Variants in TARBP1 observed in about 807,000 individuals in gnomAD.
TARBP1 encodes the protein tRNA (guanosine(18)-2'-O)-methyltransferase TARBP1.
A neutral mutation model predicts 178.6 loss-of-function variants in TARBP1; 144 were observed. That is an observed-to-expected ratio of 0.81 (90% CI 0.70 to 0.93). TARBP1 has a LOEUF of 0.93. Among genes scored for constraint, TARBP1 ranks in the 40% least tolerant of loss-of-function variants. TARBP1 has a pLI of 0.00. For synonymous variants in TARBP1, 787 were observed against 781.0 expected (o/e 1.01, Z -0.13); for missense variants, 2,067 against 2,011.7 (o/e 1.03, Z -0.53).
In TARBP1 at chr1:234,429,622, T is replaced by C. The variant is rs142271660; in HGVS notation, c.2665A>G (p.Ile889Val). ...GAGAGGCACACCCATTGATCATGAATATATTGTGCAACTATTTTTCCCCAT... is the reference window on the plus strand; with the variant it reads ...GAGAGGCACACCCATTGATCATGAACATATTGTGCAACTATTTTTCCCCAT... ...QGWGKIVAQY[I>V]HDQWVCLSFL... The change falls in exon 16 of 30, where the codon ATT becomes GTT. Residue 889 changes from isoleucine (I) to valine (V), a missense_variant. Ile to Val is a conservative substitution (Grantham distance 29, BLOSUM62 3). Coordinates refer to ENST00000040877, the MANE Select transcript of TARBP1 (RefSeq NM_005646.4). 81 of 1,612,504 alleles carry C rather than the reference T, an allele frequency of 5.0e-5. No homozygotes were observed. Among genetic ancestry groups the C allele is most frequent in the Middle Eastern group, 1.6e-4 (1 of 6,078 alleles).
At chr1:234,465,788 C>CTGTA in intron 4 of TARBP1, 80 bp from the exon 5 acceptor site, 1 of 1,306,234 alleles carries the variant, frequency 7.7e-7, no homozygotes. Context: ...CCTGATTGAA[C>CTGTA]ATCCTACACA....
Position 234,459,312 on chromosome 1 carries a change from C to T in TARBP1, c.1550G>A (p.Cys517Tyr). ...GLLALRDVIHCTMITHQILLR... is the reference protein window; with the variant it reads ...GLLALRDVIHYTMITHQILLR... ...GAGAATCTGATGTGTGATCATAGTG[C>T]AATGAATAACATCCCTGACATCGAA... is the stretch of plus-strand genomic sequence containing the variant. Residue 517 changes from cysteine to tyrosine, a missense_variant, in exon 8 of 30, where the codon TGC becomes TAC. Physicochemically the swap from Cys to Tyr is radical, Grantham distance 194 (BLOSUM62 -2). Transcript: ENST00000040877. 1 of 1,610,042 alleles carries T rather than the reference C, an allele frequency of 6.2e-7. No individual in the cohort carries two copies. Among genetic ancestry groups the T allele is most frequent in the Non-Finnish European group, 8.5e-7 (1 of 1,178,474 alleles).
intron 20 of TARBP1, among the ~76,000 whole-genome samples, chr1:234,421,604 T>C (rs1663103260): frequency 6.6e-6 from 1 of 152,234 alleles, no homozygotes; most frequent in South Asian, 2.1e-4. Flanking sequence ...ACATGGACAG[T>C]GCAAGGCATC....
intron 21 of TARBP1, among the ~76,000 whole-genome samples, chr1:234,419,987 A>T (rs1311481679): frequency 1.3e-5 from 2 of 152,200 alleles, no homozygotes; most frequent in Non-Finnish European, 2.9e-5. Flanking sequence ...GGTAGGGAGG[A>T]CAGTAGGAAA....
rs924763372 is a variant in TARBP1 at position 234,426,405 on chromosome 1, A to G, written c.3324-612T>C. Among the ~76,000 whole-genome samples, 8 of 152,248 alleles carry G rather than the reference A, an allele frequency of 5.3e-5. No individual in the cohort carries two copies. The South Asian group carries it at 8.3e-4, about 16-fold the overall frequency. Reference sequence around the variant, plus strand: ...ACAAAGTAACTGCCTAGTAGAAATCAAAATCAAATTATTTGGCAACCACCA... The same window carrying G: ...ACAAAGTAACTGCCTAGTAGAAATCGAAATCAAATTATTTGGCAACCACCA... On this transcript the variant is annotated intron_variant, in intron 19 of 29. Transcript: ENST00000040877.
In TARBP1 at chr1:234,431,104, A is replaced by G. The variant is rs541604619; in HGVS notation, c.2395-803T>C. On this transcript the variant is annotated intron_variant, in intron 14 of 29. Transcript: ENST00000040877. ...GGCAAGAAGTCAGACACAGAAAACA[A>G]CAGCACTGAGAGATTACAGCAGTTC... Among the ~76,000 whole-genome samples the G allele has an allele frequency of 7.9e-5, 12 of 152,324 alleles. No homozygotes were observed. In the South Asian group the frequency reaches 2.3e-3, roughly 29 times the overall value.
At chr1:234,470,536 T>C (rs986792228) in intron 3 of TARBP1, among the ~76,000 whole-genome samples, 2 of 148,862 alleles carry the variant, frequency 1.3e-5, no homozygotes, top group African/African-American at 5.0e-5. Context: ...CTATAAATGT[T>C]TGAAATTCTC....
At position 234,410,534 on chromosome 1, in the gene TARBP1, G is replaced by A. The variant is rs1299658631; in HGVS notation, c.3706-3C>T. On this transcript the variant is annotated splice_region_variant and splice_polypyrimidine_tract_variant and intron_variant, in intron 22 of 29. Coordinates refer to ENST00000040877, the MANE Select transcript of TARBP1 (RefSeq NM_005646.4). ...CTTGTTTTAAGATTTTCTTCACCCT[G>A]AAAAAATAATCAGATAAACAAATAT... is the stretch of plus-strand genomic sequence containing the variant. 1.3e-6 allele frequency: 2 copies of A among 1,489,146 alleles called. No homozygotes were observed. The highest frequency in any genetic ancestry group is 1.9e-6 in the Non-Finnish European group (2 of 1,077,370). 92.2% of individuals were successfully genotyped at this position (1,489,146 alleles called of 1,614,324 possible).
chr1:234,425,888 C>T, intron 19 of TARBP1, 95 bp from the exon 20 acceptor site: 1 of 1,022,412 alleles, frequency 9.8e-7, no homozygotes, highest in South Asian at 1.8e-5. Flanking sequence ...CGATCAAAAC[C>T]TCTCAAAGTT....
Position 234,393,385 on chromosome 1 carries a change from C to A in TARBP1, c.4537G>T (p.Glu1513Ter). ...KQFQHLSVSA[E>*]QWLPLVEVKP... The stretch of plus-strand genomic sequence containing the variant: ...ACCTCCACTAGAGGAAGCCACTGTT[C>A]TGCAGAGACACTGAGGTGCTGAAAC... The change falls in exon 28 of 30, where the codon GAA becomes TAA. Residue 1513 changes from glutamate (E) to a stop codon, truncating the protein, a stop_gained. Transcript: ENST00000040877. LOFTEE classifies it high-confidence loss of function. 1 of 1,595,340 alleles carries A rather than the reference C, an allele frequency of 6.3e-7. No individual in the cohort carries two copies. Among genetic ancestry groups the A allele is most frequent in the Non-Finnish European group, 8.5e-7 (1 of 1,170,180 alleles).
At chr1:234,460,204 A>C (rs1270935093) in intron 7 of TARBP1, 57 bp downstream of exon 7, 6 of 1,532,436 alleles carry the variant, frequency 3.9e-6, no homozygotes, top group Non-Finnish European at 4.4e-6. Flanking sequence ...GAAAATATAT[A>C]TATTGATGGA....
chr1:234,394,818 C>T (rs1362644112), intron 26 of TARBP1, among the ~76,000 whole-genome samples: 2 of 152,184 alleles, frequency 1.3e-5, no homozygotes, highest in Non-Finnish European at 2.9e-5. Flanking sequence ...GTTGGCCAGG[C>T]ATGGTGGCTC....
At chr1:234,436,571 C>G (rs1665047634) in intron 13 of TARBP1, among the ~76,000 whole-genome samples, 1 of 152,004 alleles carries the variant, frequency 6.6e-6, no homozygotes. Context: ...TATTTTCATA[C>G]CTGTGTAAGC....
intron 23 of TARBP1, 78 bp from the exon 24 acceptor site, chr1:234,406,177 A>G: frequency 7.5e-7 from 1 of 1,325,504 alleles, no homozygotes. Context: ...CAAAAAAAGT[A>G]CACGAATGAT....
intron 1 of TARBP1, 100 bp from the exon 2 acceptor site, chr1:234,472,911 G>T: frequency 2.3e-6 from 2 of 875,006 alleles, no homozygotes; most frequent in African/African-American, 1.7e-5. Context: ...TTACCAAATG[G>T]ATTCTCTAAT....
chr1:234,392,263 G>A (rs1397234816), intron 29 of TARBP1, among the ~76,000 whole-genome samples, 153 bp downstream of exon 29: 3 of 152,194 alleles, frequency 2.0e-5, no homozygotes, highest in African/African-American at 7.2e-5. Context: ...TTGAGCCAAT[G>A]AGGCAGAGGT....
intron 8 of TARBP1, 106 bp downstream of exon 8, chr1:234,459,124 C>T (rs1033269378): frequency 1.4e-6 from 1 of 700,666 alleles, no homozygotes; most frequent in Non-Finnish European, 2.4e-6. Context: ...TTATTACAAG[C>T]AGGCCTTTCT....
intron 24 of TARBP1, chr1:234,405,481 C>G (rs1053157785): frequency 1.9e-5 from 3 of 157,822 alleles, no homozygotes; most frequent in Admixed American, 1.9e-4. Context: ...ATGATTTTGT[C>G]TGCGGAATAG....
At chr1:234,419,884 T>TA (rs1392863193) in intron 21 of TARBP1, among the ~76,000 whole-genome samples, 3 of 152,174 alleles carry the variant, frequency 2.0e-5, no homozygotes, top group African/African-American at 2.4e-5. Context: ...CTTACACTGT[T>TA]ACTATTTCTC....
Sources: allele counts gnomAD v4.1 joint callset (sites outside exome capture counted in the v4.1 genomes callset), GRCh38; gene constraint gnomAD v4.1.1; transcripts MANE v1.5; gene names NCBI Gene and HGNC (gene_info 2026-07-23, HGNC 2026-07-21).